MNAT1: variants seen among roughly 807,000 people sequenced by gnomAD.
MNAT1 encodes the protein MNAT1 component of CDK activating kinase, also known as CDK-activating kinase assembly factor MAT1.
A neutral mutation model predicts 42.0 loss-of-function variants in MNAT1; 43 were observed. The observed-to-expected ratio is 1.02, with a 90% CI of 0.80 to 1.32. The LOEUF (loss-of-function observed/expected upper bound fraction) is 1.32, where lower values mean the gene tolerates loss of function less well. Ranked by LOEUF, MNAT1 falls within the 40% of genes most tolerant of loss-of-function variation. The pLI is 0.00. For missense variants in MNAT1, 306 were observed against 350.4 expected (o/e 0.87, Z 1.01); for synonymous variants, 118 against 120.0 (o/e 0.98, Z 0.11).
At chr14:60,846,168 T>C (rs2033677178) in intron 6 of MNAT1, among the ~76,000 whole-genome samples, 1 of 151,892 alleles carries the variant, frequency 6.6e-6, no homozygotes, top group Admixed American at 6.6e-5. Context: ...CTCCTATTCC[T>C]TTTTCTTTTT....
intron 7 of MNAT1, among the ~76,000 whole-genome samples, chr14:60,937,534 G>A (rs914489277): frequency 9.2e-5 from 14 of 152,102 alleles, no homozygotes; most frequent in Non-Finnish European, 1.5e-4. Context: ...AAGATCAGAT[G>A]GTTGTAGATA....
chr14:60,777,737 CAT>C, intron 1 of MNAT1, among the ~76,000 whole-genome samples: 1 of 152,020 alleles, frequency 6.6e-6, no homozygotes, highest in Non-Finnish European at 1.5e-5. Context: ...CTTTGTTTAC[CAT>C]AGAGTCTGCT....
chr14:60,963,009 T>A (rs2036623359), intron 7 of MNAT1, among the ~76,000 whole-genome samples: 1 of 151,650 alleles, frequency 6.6e-6, no homozygotes, highest in South Asian at 2.1e-4. Flanking sequence ...TAAGATGGAG[T>A]CTCGCTCTGT....
intron 1 of MNAT1, among the ~76,000 whole-genome samples, chr14:60,787,758 AG>A: frequency 6.6e-6 from 1 of 152,286 alleles, no homozygotes; most frequent in East Asian, 1.9e-4. Flanking sequence ...ATCATCCCTA[AG>A]AAGCCCAAAC....
intron 6 of MNAT1, among the ~76,000 whole-genome samples, chr14:60,843,309 C>T (rs1192799393): frequency 2.0e-5 from 3 of 151,978 alleles, no homozygotes; most frequent in South Asian, 4.1e-4. Context: ...CTCGCTCTGT[C>T]GCCCAGGCTG....
chr14:60,776,986 T>C (rs1408035081), intron 1 of MNAT1, among the ~76,000 whole-genome samples: 1 of 152,094 alleles, frequency 6.6e-6, no homozygotes, highest in Non-Finnish European at 1.5e-5. Flanking sequence ...TAGCTGGGAT[T>C]ACAGGTGCAC....
chr14:60,876,836 T>C (rs1387437701), intron 6 of MNAT1, among the ~76,000 whole-genome samples: 1 of 152,106 alleles, frequency 6.6e-6, no homozygotes, highest in African/African-American at 2.4e-5. Flanking sequence ...TATTCCTTGA[T>C]GGACACTGCG....
intron 1 of MNAT1, among the ~76,000 whole-genome samples, chr14:60,746,884 T>G (rs1316810787): frequency 1.6e-5 from 2 of 121,810 alleles, no homozygotes; most frequent in African/African-American, 6.5e-5. Context: ...GAATCCTTTT[T>G]AAAGATTCAT....
chr14:60,813,629 A>G (rs1216044907), intron 5 of MNAT1, among the ~76,000 whole-genome samples: 1 of 152,190 alleles, frequency 6.6e-6, no homozygotes, highest in African/African-American at 2.4e-5. Context: ...TGGGAGTGTG[A>G]TGGCCATCTT....
At chr14:60,739,251 A>G (rs1281639342) in intron 1 of MNAT1, among the ~76,000 whole-genome samples, 1 of 152,188 alleles carries the variant, frequency 6.6e-6, no homozygotes, top group Middle Eastern at 3.2e-3. Context: ...AAACCTAATG[A>G]TAGAAGTGAT....
chr14:60,954,660 T>C (rs189550749), intron 7 of MNAT1, among the ~76,000 whole-genome samples: 2 of 152,306 alleles, frequency 1.3e-5, no homozygotes, highest in Admixed American at 1.3e-4. Flanking sequence ...GGGTTTTCTA[T>C]AAATAAGATC....
intron 2 of MNAT1, among the ~76,000 whole-genome samples, chr14:60,797,333 A>T (rs2300472): frequency 0.94 from 143,465 of 152,146 alleles, 67,975 homozygotes; most frequent in Non-Finnish European, 0.99. Context: ...ATTACAATAT[A>T]TACAGATTTT....
chr14:60,929,168 AAAATAT>A lies in MNAT1; in HGVS notation c.810-39059_810-39054del, dbSNP rs1225819354. ...TCTCCCAAAAAAAAAAAAAAAAAAA[AAAATAT>A]ATATATATATATATATATATGTATA... On this transcript the variant is annotated intron_variant, in intron 7 of 7. Transcript: ENST00000261245. Among the ~76,000 whole-genome samples, 17 of 86,132 alleles carry A rather than the reference AAAATAT, an allele frequency of 2.0e-4. No homozygotes were observed. The Middle Eastern group carries it at 0.023, about 119-fold the overall frequency. 56.5% of individuals were successfully genotyped at this position (86,132 alleles called of 152,430 possible).
At chr14:60,898,249 G>C (rs2139500588) in intron 7 of MNAT1, among the ~76,000 whole-genome samples, 1 of 152,098 alleles carries the variant, frequency 6.6e-6, no homozygotes, top group Non-Finnish European at 1.5e-5. Flanking sequence ...AGTGCAAGGT[G>C]TCCTTGATAT....
intron 1 of MNAT1, among the ~76,000 whole-genome samples, chr14:60,745,897 G>A (rs1348659311): frequency 6.6e-6 from 1 of 152,112 alleles, no homozygotes; most frequent in Non-Finnish European, 1.5e-5. Flanking sequence ...TAGCAGTATA[G>A]TGCTGCAGAA....
chr14:60,815,141 C>T (rs1413205854), intron 5 of MNAT1, among the ~76,000 whole-genome samples: 1 of 151,842 alleles, frequency 6.6e-6, no homozygotes, highest in African/African-American at 2.4e-5. Flanking sequence ...ATTTTATGTT[C>T]CATCTAATAA....
intron 7 of MNAT1, among the ~76,000 whole-genome samples, chr14:60,935,794 A>C (rs1324362944): frequency 6.6e-6 from 1 of 152,126 alleles, no homozygotes; most frequent in South Asian, 2.1e-4. Context: ...TTGAAGATGC[A>C]GTATTGGATT....
chr14:60,738,579 C>T (rs1896376344), intron 1 of MNAT1, among the ~76,000 whole-genome samples: 1 of 151,558 alleles, frequency 6.6e-6, no homozygotes, highest in Non-Finnish European at 1.5e-5. Flanking sequence ...GCTCTTGTTG[C>T]CCAGGCTGGA....
intron 7 of MNAT1, among the ~76,000 whole-genome samples, chr14:60,924,764 G>A (rs1354795231): frequency 6.6e-6 from 1 of 152,192 alleles, no homozygotes; most frequent in Non-Finnish European, 1.5e-5. Context: ...GAATGGGTGA[G>A]TGAGGGCAAA....
Sources: gnomAD v4.1 joint callset for allele counts (sites outside exome capture counted in the v4.1 genomes callset) on GRCh38, gnomAD v4.1.1 for gene constraint, MANE v1.5 for transcripts, NCBI Gene and HGNC (gene_info 2026-07-23, HGNC 2026-07-21) for gene names.